The following CA8 variants were observed in gnomAD, a reference collection of about 807,000 sequenced individuals.
CA8 encodes the protein carbonic anhydrase-related protein.
CA8 carries 22 observed loss-of-function variants against 41.4 expected under a neutral mutation model. The ratio of observed to expected loss-of-function variants is 0.53; its 90% CI spans 0.38 to 0.76. The LOEUF (loss-of-function observed/expected upper bound fraction) is 0.76. Ranked by LOEUF, CA8 falls within the 30% of genes least tolerant of loss-of-function variation. The pLI, the probability that CA8 is intolerant of heterozygous loss-of-function variation, is 0.00. For missense variants in CA8, 270 were observed against 352.8 expected (o/e 0.77, Z 1.88); for synonymous variants, 121 against 130.6 (o/e 0.93, Z 0.50).
At chr8:60,270,807 A>G (rs1318273707) in intron 2 of CA8, among the ~76,000 whole-genome samples, 2 of 152,220 alleles carry the variant, frequency 1.3e-5, no homozygotes, top group African/African-American at 4.8e-5. Context: ...CTTCCCCAAA[A>G]TAGTATCATT....
chr8:60,211,524 AT>A (rs953960597), intron 7 of CA8, among the ~76,000 whole-genome samples: 20 of 152,182 alleles, frequency 1.3e-4, no homozygotes. Flanking sequence ...GACTTTGAAG[AT>A]TATTTTAAAG....
chr8:60,270,745 G>C (rs1804044929), intron 2 of CA8, among the ~76,000 whole-genome samples: 1 of 152,150 alleles, frequency 6.6e-6, no homozygotes. Flanking sequence ...TGGATTTAAA[G>C]ACTTTATAAC....
intron 7 of CA8, among the ~76,000 whole-genome samples, chr8:60,210,962 A>G (rs1210956634): frequency 6.6e-6 from 1 of 152,162 alleles, no homozygotes; most frequent in African/African-American, 2.4e-5. Flanking sequence ...CTAAGTACAG[A>G]GTGAAAAGGA....
chr8:60,254,859 A>G (rs924294102), intron 3 of CA8, among the ~76,000 whole-genome samples: 6 of 152,236 alleles, frequency 3.9e-5, no homozygotes, highest in Non-Finnish European at 7.3e-5. Context: ...ATTATTTTAG[A>G]AAGTAGAAAA....
chr8:60,216,939 A>G (rs1426604072), intron 7 of CA8, among the ~76,000 whole-genome samples: 1 of 152,180 alleles, frequency 6.6e-6, no homozygotes, highest in East Asian at 1.9e-4. Context: ...GCTGGAGTGG[A>G]GTGGTACAGT....
At chr8:60,204,926 C>T (rs1389696795) in intron 8 of CA8, among the ~76,000 whole-genome samples, 1 of 152,054 alleles carries the variant, frequency 6.6e-6, no homozygotes, top group African/African-American at 2.4e-5. Flanking sequence ...AATGCCTTAC[C>T]CTCTTCTAAC....
At chr8:60,254,571 T>C (rs1279669005) in intron 3 of CA8, among the ~76,000 whole-genome samples, 1 of 152,236 alleles carries the variant, frequency 6.6e-6, no homozygotes, top group East Asian at 1.9e-4. Flanking sequence ...GTTGGATAAG[T>C]GATATTTGTT....
chr8:60,216,097 A>ATC (rs1176831256), intron 7 of CA8, among the ~76,000 whole-genome samples: 1 of 152,176 alleles, frequency 6.6e-6, no homozygotes, highest in Non-Finnish European at 1.5e-5. Flanking sequence ...TATGTCAAGC[A>ATC]TCTCTCTCCT....
chr8:60,242,561 A>G (rs534668280), intron 3 of CA8, among the ~76,000 whole-genome samples: 6 of 152,304 alleles, frequency 3.9e-5, no homozygotes, highest in African/African-American at 1.4e-4. Flanking sequence ...CAAAGACAAG[A>G]AAAACTAGGG....
At position 60,281,267 on chromosome 8, in the gene CA8, T is replaced by C. The variant is rs1351398732; in HGVS notation, c.-120A>G. 6 of 710,560 alleles carry C rather than the reference T, an allele frequency of 8.4e-6. No homozygotes were observed. The highest frequency in any genetic ancestry group is 5.4e-5 in the African/African-American group (3 of 55,952). 44.0% of individuals were successfully genotyped at this position (710,560 alleles called of 1,614,324 possible). Reference sequence around the variant, plus strand: ...GTGTGAGCACGCGTGAGCGGCAGTGTGAGTGCGAGAGCGCCTCCGGGTGTG... The same window carrying C: ...GTGTGAGCACGCGTGAGCGGCAGTGCGAGTGCGAGAGCGCCTCCGGGTGTG... On this transcript the variant is annotated 5_prime_UTR_variant, in exon 1 of 9. Transcript: ENST00000317995.
At chr8:60,209,022 T>C in intron 7 of CA8, 103 bp from the exon 8 acceptor site, 2 of 1,243,588 alleles carry the variant, frequency 1.6e-6, no homozygotes, top group Middle Eastern at 1.9e-4. Context: ...ATTACAAGAA[T>C]TATTGAAGAG....
At chr8:60,194,960 T>C (rs1806238270) in intron 8 of CA8, among the ~76,000 whole-genome samples, 1 of 152,238 alleles carries the variant, frequency 6.6e-6, no homozygotes, top group Non-Finnish European at 1.5e-5. Flanking sequence ...TTCATTTTTA[T>C]GCCTTTGTGT....
In CA8 at chr8:60,223,260, T is replaced by C. The variant is rs550789086; in HGVS notation, c.626-499A>G. ...TAATAATCACTGGCAGAGCCAGGAT[T>C]CAAATTCAGGCAATCTGGCTTCATA... On this transcript the variant is annotated intron_variant, in intron 6 of 8. Transcript: ENST00000317995. Among the ~76,000 whole-genome samples the C allele has an allele frequency of 6.6e-5, 10 of 152,282 alleles. No homozygotes were observed. In the East Asian group the frequency reaches 1.7e-3, roughly 26 times the overall value.
chr8:60,279,436 A>G (rs78860198), intron 2 of CA8, among the ~76,000 whole-genome samples: 2,990 of 152,324 alleles, frequency 0.02, 86 homozygotes, highest in African/African-American at 0.066. Context: ...AAGGTGATCA[A>G]ACTAAGGTTT....
At position 60,224,624 on chromosome 8, in the gene CA8, T is replaced by C. The variant is rs946668403; in HGVS notation, c.577-39A>G. 2.5e-6 allele frequency: 3 copies of C among 1,213,572 alleles called. No individual in the cohort carries two copies. In the African/African-American group the frequency reaches 4.5e-5, roughly 18 times the overall value. 75.2% of individuals were successfully genotyped at this position (1,213,572 alleles called of 1,614,324 possible). On this transcript the variant is annotated intron_variant, in intron 5 of 8. Transcript: ENST00000317995. ...AAATATTTACCCAATGTTAATGTAA[T>C]ATTTCTAGATTTTAGAATAAAAAAT...
chr8:60,227,189 G>A (rs1807470943), intron 4 of CA8, among the ~76,000 whole-genome samples: 1 of 152,034 alleles, frequency 6.6e-6, no homozygotes, highest in Admixed American at 6.6e-5. Flanking sequence ...TACTCAGGAG[G>A]GTGAGGAAGA....
At position 60,281,193 on chromosome 8, in the gene CA8, G is replaced by T. The variant is rs1804414181; in HGVS notation, c.-46C>A. Reference sequence around the variant, plus strand: ...CGGCGCTCTCGGCAGCAGTGCCTGCGCCTTCGCTGGGCGCGGGGCTGGAGC... The same window carrying T: ...CGGCGCTCTCGGCAGCAGTGCCTGCTCCTTCGCTGGGCGCGGGGCTGGAGC... On this transcript the variant is annotated 5_prime_UTR_variant, in exon 1 of 9. Coordinates refer to ENST00000317995, the MANE Select transcript of CA8 (RefSeq NM_004056.6). 4 of 1,374,436 alleles carry T rather than the reference G, an allele frequency of 2.9e-6. No individual in the cohort carries two copies. In the South Asian group the frequency reaches 3.7e-5, roughly 13 times the overall value. The allele number at this position is 1,374,436 out of a possible 1,614,324, so 85.1% of individuals were successfully genotyped here.
intron 8 of CA8, among the ~76,000 whole-genome samples, chr8:60,198,113 T>C (rs1435345216): frequency 6.6e-6 from 1 of 152,152 alleles, no homozygotes; most frequent in East Asian, 1.9e-4. Flanking sequence ...TGTTGTGAAA[T>C]GTGGTGTCGT....
intron 8 of CA8, among the ~76,000 whole-genome samples, chr8:60,206,722 C>T (rs1039474957): frequency 1.3e-5 from 2 of 151,996 alleles, no homozygotes; most frequent in African/African-American, 4.8e-5. Flanking sequence ...AGCTCTAAAC[C>T]ACCACCTCCT....
Sources: gnomAD v4.1 joint callset for allele counts (sites outside exome capture counted in the v4.1 genomes callset) on GRCh38, gnomAD v4.1.1 for gene constraint, MANE v1.5 for transcripts, NCBI Gene and HGNC (gene_info 2026-07-23, HGNC 2026-07-21) for gene names.